DENND6A: variants seen among roughly 807,000 people sequenced by gnomAD.
DENND6A encodes the protein DENN domain containing 6A, also known as protein DENND6A.
DENND6A carries 43 observed loss-of-function variants against 95.5 expected under a neutral mutation model. The observed-to-expected ratio is 0.45, with a 90% CI of 0.35 to 0.58. DENND6A has a LOEUF of 0.58. Among genes scored for constraint, DENND6A ranks in the 20% least tolerant of loss-of-function variants. The pLI, the probability that DENND6A is intolerant of heterozygous loss-of-function variation, is 0.00. For missense variants in DENND6A, 574 were observed against 736.0 expected (o/e 0.78, Z 2.55); for synonymous variants, 257 against 260.4 (o/e 0.99, Z 0.13).
chr3:57,659,068 T>A, intron 8 of DENND6A, 50 bp downstream of exon 8: 1 of 1,572,898 alleles, frequency 6.4e-7, no homozygotes, highest in Non-Finnish European at 8.7e-7. Flanking sequence ...AAAAATTCTG[T>A]TAAAGAGACT....
Position 57,630,527 on chromosome 3 carries a change from T to C in DENND6A, c.1518-4A>G, listed in dbSNP as rs2070644540. On this transcript the variant is annotated splice_region_variant and splice_polypyrimidine_tract_variant and intron_variant, in intron 17 of 19. Coordinates refer to ENST00000311128, the MANE Select transcript of DENND6A (RefSeq NM_152678.3). ...ATTTGGAGACTTTAGGAAATGCCTA[T>C]AAAAATACATTTTAAAAAAGTAAAG... The C allele has an allele frequency of 1.9e-6, 3 of 1,585,482 alleles. No individual in the cohort carries two copies. The highest frequency in any genetic ancestry group is 2.4e-5 in the South Asian group (2 of 84,558).
intron 1 of DENND6A, among the ~76,000 whole-genome samples, chr3:57,673,749 T>G (rs546088351): frequency 7.6e-4 from 116 of 152,280 alleles, no homozygotes; most frequent in Non-Finnish European, 1.5e-3. Flanking sequence ...GTGCTTTTTT[T>G]GTTTTTGTTT....
At chr3:57,664,917 G>A (rs1372429377) in intron 4 of DENND6A, among the ~76,000 whole-genome samples, 1 of 152,158 alleles carries the variant, frequency 6.6e-6, no homozygotes, top group African/African-American at 2.4e-5. Flanking sequence ...GAAAGCCAAG[G>A]GGAAAAAGTA....
In DENND6A at chr3:57,633,227, A is replaced by G. The variant is rs2070723819; in HGVS notation, c.1353+38T>C. ...AAAAACATTTATATACCCTTCACCAAATCATTAAATTATGCAAAAATTTAT... is the reference window on the plus strand; with the variant it reads ...AAAAACATTTATATACCCTTCACCAGATCATTAAATTATGCAAAAATTTAT... On this transcript the variant is annotated intron_variant, in intron 15 of 19. Transcript: ENST00000311128. 11 of 1,542,486 alleles carry G rather than the reference A, an allele frequency of 7.1e-6. No homozygotes were observed. The East Asian group carries it at 2.5e-4, about 35-fold the overall frequency.
At chr3:57,656,137 G>C (rs1410404694) in intron 9 of DENND6A, among the ~76,000 whole-genome samples, 1 of 152,092 alleles carries the variant, frequency 6.6e-6, no homozygotes, top group Non-Finnish European at 1.5e-5. Context: ...CAAAGATCTA[G>C]AATAGTTCCA....
chr3:57,629,097 T>C (rs1274266307), intron 18 of DENND6A, among the ~76,000 whole-genome samples: 1 of 152,226 alleles, frequency 6.6e-6, no homozygotes, highest in Non-Finnish European at 1.5e-5. Flanking sequence ...AATTGTCTCA[T>C]ATTTGGAAGT....
intron 17 of DENND6A, 63 bp downstream of exon 17, chr3:57,630,652 C>G: frequency 6.4e-7 from 1 of 1,560,720 alleles, no homozygotes; most frequent in Non-Finnish European, 8.7e-7. Flanking sequence ...TTAAGTTTAG[C>G]TTTTTGTTTT....
intron 1 of DENND6A, among the ~76,000 whole-genome samples, chr3:57,686,828 A>G (rs1475070381): frequency 1.3e-5 from 2 of 152,148 alleles, no homozygotes; most frequent in Admixed American, 6.5e-5. Context: ...AATATTTGCA[A>G]CTGGGGCAAT....
chr3:57,643,580 C>A (rs113429273), intron 11 of DENND6A, among the ~76,000 whole-genome samples: 2 of 152,236 alleles, frequency 1.3e-5, no homozygotes, highest in African/African-American at 4.8e-5. Flanking sequence ...GTAATCCCAG[C>A]ACTTTGGGAG....
At chr3:57,681,332 C>T (rs994515359) in intron 1 of DENND6A, among the ~76,000 whole-genome samples, 1 of 151,886 alleles carries the variant, frequency 6.6e-6, no homozygotes, top group Non-Finnish European at 1.5e-5. Context: ...GGCGTGGTGG[C>T]GGGCACCTGT....
chr3:57,633,411 A>T, intron 14 of DENND6A, 57 bp from the exon 15 acceptor site: 2 of 1,380,268 alleles, frequency 1.4e-6, no homozygotes, highest in Non-Finnish European at 2.0e-6. Flanking sequence ...AAAACAATGG[A>T]TAACTATCAG....
chr3:57,647,348 C>G lies in DENND6A; in HGVS notation c.819-910G>C, dbSNP rs1420718960. ...AAGGCAAAGGAGCTCTTCCTCTTCC[C>G]TTCCTAAACAACTCAGTCCTAAAGC... On this transcript the variant is annotated intron_variant, in intron 9 of 19. Transcript: ENST00000311128. Among the ~76,000 whole-genome samples, 4 of 152,276 alleles carry G rather than the reference C, an allele frequency of 2.6e-5. No individual in the cohort carries two copies. The East Asian group carries it at 7.7e-4, about 29-fold the overall frequency.
At chr3:57,638,730 C>T (rs1038834546) in intron 12 of DENND6A, among the ~76,000 whole-genome samples, 2 of 151,776 alleles carry the variant, frequency 1.3e-5, no homozygotes, top group African/African-American at 4.8e-5. Context: ...TCAATATCAC[C>T]GATCATGAGG....
At chr3:57,665,245 T>C (rs1362720064) in intron 4 of DENND6A, among the ~76,000 whole-genome samples, 2 of 152,224 alleles carry the variant, frequency 1.3e-5, no homozygotes, top group Admixed American at 1.3e-4. Context: ...TTTTAGATTT[T>C]ACTTATATAA....
intron 9 of DENND6A, among the ~76,000 whole-genome samples, chr3:57,652,493 C>T (rs924675609): frequency 1.3e-5 from 2 of 152,196 alleles, no homozygotes; most frequent in African/African-American, 4.8e-5. Flanking sequence ...GAACTACCCA[C>T]CTAAGCAGCT....
intron 9 of DENND6A, among the ~76,000 whole-genome samples, chr3:57,653,606 T>C (rs1411431651): frequency 1.3e-5 from 2 of 151,662 alleles, no homozygotes; most frequent in Admixed American, 6.6e-5. Context: ...ATTAGCCGGA[T>C]GTAGTGGCAC....
intron 1 of DENND6A, among the ~76,000 whole-genome samples, chr3:57,673,220 A>G (rs1267347340): frequency 6.7e-6 from 1 of 150,024 alleles, no homozygotes; most frequent in Non-Finnish European, 1.5e-5. Context: ...TATCAAAAAA[A>G]AAAAAAAAAA....
At chr3:57,658,167 T>G (rs1465209101) in intron 8 of DENND6A, among the ~76,000 whole-genome samples, 2 of 144,382 alleles carry the variant, frequency 1.4e-5, no homozygotes, top group African/African-American at 2.6e-5. Flanking sequence ...ACCCGGGAGG[T>G]GAAGCTTGCA....
In DENND6A at chr3:57,627,256, A is replaced by C. The variant is rs1289857234; in HGVS notation, c.*958T>G. The C allele has an allele frequency of 6.6e-6, 1 of 152,180 alleles. No homozygotes were observed. The highest frequency in any genetic ancestry group is 2.4e-5 in the African/African-American group (1 of 41,418). 9.4% of individuals were successfully genotyped at this position (152,180 alleles called of 1,614,324 possible). ...CCTCCCAGGTTCAAGTGATTCTCAC[A>C]TCTCAGCCTCCCAAGTAGCTGGGAT... On this transcript the variant is annotated 3_prime_UTR_variant, in exon 20 of 20. Coordinates refer to ENST00000311128, the MANE Select transcript of DENND6A (RefSeq NM_152678.3).
Sources: allele counts gnomAD v4.1 joint callset (sites outside exome capture counted in the v4.1 genomes callset), GRCh38; gene constraint gnomAD v4.1.1; transcripts MANE v1.5; gene names NCBI Gene and HGNC (gene_info 2026-07-23, HGNC 2026-07-21).